GRXCR1: variants seen among roughly 807,000 people sequenced by gnomAD.
The protein encoded by GRXCR1 is glutaredoxin domain-containing cysteine-rich protein 1.
In GRXCR1, 27 loss-of-function variants were observed where a neutral mutation model predicts 27.3. That is an observed-to-expected ratio of 0.99 (90% CI 0.73 to 1.37). The LOEUF (loss-of-function observed/expected upper bound fraction) is 1.37, where lower values mean the gene tolerates loss of function less well. GRXCR1 is among the 40% of genes most tolerant of loss of function. GRXCR1 has a pLI of 0.00. For missense variants in GRXCR1, 379 were observed against 354.4 expected (o/e 1.07, Z -0.56); for synonymous variants, 122 against 131.1 (o/e 0.93, Z 0.47).
chr4:42,927,491 G>A (rs751119382), intron 1 of GRXCR1, among the ~76,000 whole-genome samples: 5 of 151,838 alleles, frequency 3.3e-5, no homozygotes, highest in African/African-American at 4.8e-5. Flanking sequence ...AGATTTTTAC[G>A]AAATGTTTAA....
intron 2 of GRXCR1, among the ~76,000 whole-genome samples, chr4:42,975,663 T>G (rs1259205157): frequency 6.6e-6 from 1 of 152,116 alleles, no homozygotes; most frequent in African/African-American, 2.4e-5. Context: ...ATCATCTTGT[T>G]CTTTCAGTAA....
chr4:42,904,738 C>G (rs1235227045), intron 1 of GRXCR1, among the ~76,000 whole-genome samples: 1 of 152,056 alleles, frequency 6.6e-6, no homozygotes, highest in East Asian at 1.9e-4. Flanking sequence ...AATTGTGAAT[C>G]AAATACTACT....
rs552073703 is a variant in GRXCR1 at position 42,910,294 on chromosome 4, A to G, written c.384+16644A>G. ...GGGTGGGGACACAAAGCCTAAACAT[A>G]ACACAACGTGTATTGATTACTGCTA... is the stretch of plus-strand genomic sequence containing the variant. On this transcript the variant is annotated intron_variant, in intron 1 of 3. Transcript: ENST00000399770. Among the ~76,000 whole-genome samples, 79 of 152,296 alleles carry G rather than the reference A, an allele frequency of 5.2e-4. No individual in the cohort carries two copies. In the Middle Eastern group the frequency reaches 0.014, roughly 26 times the overall value.
chr4:43,029,026 G>T (rs1713341672), intron 3 of GRXCR1, among the ~76,000 whole-genome samples: 1 of 152,110 alleles, frequency 6.6e-6, no homozygotes, highest in African/African-American at 2.4e-5. Flanking sequence ...GCTATATACA[G>T]AAAATGCCCA....
intron 1 of GRXCR1, among the ~76,000 whole-genome samples, chr4:42,915,272 C>A (rs1177405486): frequency 6.6e-6 from 1 of 152,052 alleles, no homozygotes; most frequent in Non-Finnish European, 1.5e-5. Context: ...GGGATGGGAA[C>A]GATGCAAGGC....
At chr4:42,985,445 C>T (rs1331664965) in intron 2 of GRXCR1, among the ~76,000 whole-genome samples, 5 of 151,874 alleles carry the variant, frequency 3.3e-5, no homozygotes, top group Non-Finnish European at 2.9e-5. Context: ...AATTAATCTG[C>T]TATTCTGTAG....
At chr4:42,903,753 A>G (rs1455813773) in intron 1 of GRXCR1, among the ~76,000 whole-genome samples, 1 of 128,762 alleles carries the variant, frequency 7.8e-6, no homozygotes, top group Non-Finnish European at 1.7e-5. Context: ...TTACAAGCTG[A>G]TTTTTTTTCA....
Position 42,893,667 on chromosome 4 carries a change from T to A in GRXCR1, c.384+17T>A. 1 of 1,609,420 alleles carries A rather than the reference T, an allele frequency of 6.2e-7. No homozygotes were observed. The highest frequency in any genetic ancestry group is 2.2e-5 in the East Asian group (1 of 44,788). ...GTATTACAGGTAAGTCATTGCTGTTTCCTTCTCCTGCTCTTTGTTCCTAAC... is the reference window on the plus strand; with the variant it reads ...GTATTACAGGTAAGTCATTGCTGTTACCTTCTCCTGCTCTTTGTTCCTAAC... On this transcript the variant is annotated intron_variant, in intron 1 of 3. Transcript: ENST00000399770.
At chr4:42,997,077 A>T (rs1712190640) in intron 2 of GRXCR1, among the ~76,000 whole-genome samples, 1 of 152,126 alleles carries the variant, frequency 6.6e-6, no homozygotes, top group Non-Finnish European at 1.5e-5. Context: ...AATAAATTTT[A>T]TCCTTTGATG....
intron 1 of GRXCR1, among the ~76,000 whole-genome samples, chr4:42,905,928 A>G (rs1324449340): frequency 6.6e-6 from 1 of 152,202 alleles, no homozygotes; most frequent in Admixed American, 6.5e-5. Flanking sequence ...ACCATTATCC[A>G]GGAATTTTGC....
chr4:42,946,993 G>T (rs1183480947), intron 1 of GRXCR1, among the ~76,000 whole-genome samples: 1 of 152,086 alleles, frequency 6.6e-6, no homozygotes, highest in East Asian at 1.9e-4. Flanking sequence ...CCCACCGAAT[G>T]GAGAGTTTTG....
At chr4:43,030,177 G>T (rs1713377168) in intron 3 of GRXCR1, among the ~76,000 whole-genome samples, 184 bp from the exon 4 acceptor site, 1 of 152,168 alleles carries the variant, frequency 6.6e-6, no homozygotes, top group South Asian at 2.1e-4. Context: ...GAATGAAGGA[G>T]AATTTCAACT....
At chr4:42,926,361 A>G (rs1206149057) in intron 1 of GRXCR1, among the ~76,000 whole-genome samples, 1 of 152,072 alleles carries the variant, frequency 6.6e-6, no homozygotes, top group Non-Finnish European at 1.5e-5. Flanking sequence ...TTACTTGTGT[A>G]TCACCAGTGC....
At chr4:42,979,682 G>A (rs1748604234) in intron 2 of GRXCR1, among the ~76,000 whole-genome samples, 3 of 151,972 alleles carry the variant, frequency 2.0e-5, no homozygotes, top group Admixed American at 6.6e-5. Flanking sequence ...GAGTTTGAAA[G>A]TATTTTCTTC....
At chr4:42,905,087 T>C (rs922648448) in intron 1 of GRXCR1, among the ~76,000 whole-genome samples, 2 of 152,242 alleles carry the variant, frequency 1.3e-5, no homozygotes, top group Non-Finnish European at 2.9e-5. Context: ...GCTCCGACCC[T>C]GCCACACAAA....
At chr4:42,918,039 A>ACCAATAT (rs1349033988) in intron 1 of GRXCR1, among the ~76,000 whole-genome samples, 1 of 152,152 alleles carries the variant, frequency 6.6e-6, no homozygotes, top group Non-Finnish European at 1.5e-5. Context: ...TACAAAAATA[A>ACCAATAT]TGGAAAGCAG....
At chr4:42,916,969 A>G (rs1257246881) in intron 1 of GRXCR1, among the ~76,000 whole-genome samples, 3 of 152,184 alleles carry the variant, frequency 2.0e-5, no homozygotes, top group Non-Finnish European at 4.4e-5. Flanking sequence ...ATACATATTG[A>G]GGATCAATAG....
At chr4:43,000,669 G>GTA (rs4035884) in intron 2 of GRXCR1, among the ~76,000 whole-genome samples, 33,545 of 149,646 alleles carry the variant, frequency 0.22, 3,902 homozygotes, top group East Asian at 0.39. Flanking sequence ...ATTGTTAGAG[G>GTA]TATATATATA....
intron 1 of GRXCR1, among the ~76,000 whole-genome samples, chr4:42,946,478 T>C (rs1560660054): frequency 6.6e-6 from 1 of 152,178 alleles, no homozygotes; most frequent in Admixed American, 6.5e-5. Flanking sequence ...TCAACAAATA[T>C]GTGCTTACTG....
Sources: allele counts gnomAD v4.1 joint callset (sites outside exome capture counted in the v4.1 genomes callset), GRCh38; gene constraint gnomAD v4.1.1; transcripts MANE v1.5; gene names NCBI Gene and HGNC (gene_info 2026-07-23, HGNC 2026-07-21).